VPS50: variants seen among roughly 807,000 people sequenced by gnomAD.
VPS50 encodes syndetin.
In VPS50, 70 loss-of-function variants were observed where a neutral mutation model predicts 139.7. The observed-to-expected ratio is 0.50, with a 90% CI of 0.41 to 0.61. The LOEUF (loss-of-function observed/expected upper bound fraction) is 0.61, where lower values mean the gene tolerates loss of function less well. Ranked by LOEUF, VPS50 falls within the 20% of genes least tolerant of loss-of-function variation. The pLI is 0.00. For synonymous variants in VPS50, 365 were observed against 376.7 expected, an observed-to-expected ratio of 0.97 and a Z score of 0.36; for missense variants, 921 against 1,133.7, an observed-to-expected ratio of 0.81 and a Z score of 2.69.
chr7:93,278,187 C>T (rs1225889427), intron 12 of VPS50, among the ~76,000 whole-genome samples: 1 of 152,108 alleles, frequency 6.6e-6, no homozygotes, highest in Non-Finnish European at 1.5e-5. Context: ...GAGAAAGCCC[C>T]TCTGTGCATT....
intron 20 of VPS50, among the ~76,000 whole-genome samples, chr7:93,316,981 A>G (rs184993910): frequency 6.6e-6 from 1 of 152,314 alleles, no homozygotes; most frequent in African/African-American, 2.4e-5. Flanking sequence ...CATGCAACAC[A>G]AGATAGCTGA....
chr7:93,296,535 C>T (rs1796815684), intron 14 of VPS50, among the ~76,000 whole-genome samples: 1 of 152,154 alleles, frequency 6.6e-6, no homozygotes, highest in Non-Finnish European at 1.5e-5. Flanking sequence ...TTCAGTTTGG[C>T]AACCTGATGG....
intron 13 of VPS50, among the ~76,000 whole-genome samples, chr7:93,293,784 G>A (rs939772935): frequency 6.6e-6 from 1 of 152,122 alleles, no homozygotes; most frequent in Non-Finnish European, 1.5e-5. Flanking sequence ...CATACCATGG[G>A]TGTAATAATA....
At chr7:93,232,596 G>A in intron 1 of VPS50, 96 bp downstream of exon 1, 1 of 1,095,312 alleles carries the variant, frequency 9.1e-7, no homozygotes, top group Non-Finnish European at 1.4e-6. Context: ...GGGGATCTAA[G>A]TTATGGGTGG....
intron 2 of VPS50, among the ~76,000 whole-genome samples, chr7:93,243,787 T>C (rs1795067258): frequency 1.3e-5 from 2 of 151,894 alleles, no homozygotes; most frequent in African/African-American, 2.4e-5. Flanking sequence ...TTTGAGAGTA[T>C]TTGTTGAACC....
At chr7:93,319,721 A>G (rs181796691) in intron 20 of VPS50, among the ~76,000 whole-genome samples, 55 of 152,212 alleles carry the variant, frequency 3.6e-4, no homozygotes, top group Non-Finnish European at 5.9e-4. Context: ...TTCCTCAACT[A>G]TTACTGACAC....
intron 2 of VPS50, among the ~76,000 whole-genome samples, chr7:93,243,568 G>A (rs1285583530): frequency 6.6e-6 from 1 of 151,922 alleles, no homozygotes; most frequent in Non-Finnish European, 1.5e-5. Flanking sequence ...CTTCGAAATG[G>A]ATTCTGTTAT....
At chr7:93,284,107 G>A (rs1324257170) in intron 12 of VPS50, among the ~76,000 whole-genome samples, 1 of 152,032 alleles carries the variant, frequency 6.6e-6, no homozygotes, top group African/African-American at 2.4e-5. Flanking sequence ...GAGGGGGATT[G>A]GATTGGAGAT....
chr7:93,318,497 A>G (rs1241506383), intron 20 of VPS50, among the ~76,000 whole-genome samples: 1 of 152,146 alleles, frequency 6.6e-6, no homozygotes, highest in Non-Finnish European at 1.5e-5. Context: ...ATTTATATTC[A>G]TTGATGGTGT....
At chr7:93,253,579 T>TC (rs1426853752) in intron 3 of VPS50, among the ~76,000 whole-genome samples, 2 of 151,972 alleles carry the variant, frequency 1.3e-5, no homozygotes, top group African/African-American at 4.8e-5. Flanking sequence ...GGGTCCAGAG[T>TC]CCCCAGTGGT....
chr7:93,258,109 A>C, intron 6 of VPS50, 50 bp from the exon 7 acceptor site: 1 of 755,170 alleles, frequency 1.3e-6, no homozygotes, highest in Non-Finnish European at 2.3e-6. Context: ...TGTGGATAGT[A>C]TTCTTATTAT....
chr7:93,240,316 A>G (rs1002094932), intron 2 of VPS50, among the ~76,000 whole-genome samples: 27 of 151,164 alleles, frequency 1.8e-4, no homozygotes, highest in African/African-American at 6.6e-4. Context: ...GAAATAGTTG[A>G]CTACTGACTT....
chr7:93,294,559 A>G lies in VPS50; in HGVS notation c.1090A>G (p.Ile364Val), dbSNP rs377270059. The change falls in exon 14 of 28, where the codon ATA (isoleucine) becomes GTA (valine). Residue 364 changes from isoleucine (I) to valine (V), a missense_variant. Ile to Val is a conservative substitution (Grantham distance 29). Transcript: ENST00000305866. ...TASASEGSNM[I>V]GTEETNFDRG... ...TTTATTTTCAGAAGGGAGTAATATGATAGGTACTGAAGAAACTAATTTTGA... is the reference window on the plus strand; with the variant it reads ...TTTATTTTCAGAAGGGAGTAATATGGTAGGTACTGAAGAAACTAATTTTGA... 1.4e-5 allele frequency: 22 copies of G among 1,570,036 alleles called. No individual in the cohort carries two copies. In the Middle Eastern group the frequency reaches 8.5e-4, roughly 60 times the overall value.
At chr7:93,238,649 C>T (rs2116770075) in intron 1 of VPS50, among the ~76,000 whole-genome samples, 1 of 152,208 alleles carries the variant, frequency 6.6e-6, no homozygotes, top group African/African-American at 2.4e-5. Context: ...CTAGAAAAAC[C>T]TATTCATTAG....
At chr7:93,304,995 T>TAAGA (rs1797076044) in intron 17 of VPS50, among the ~76,000 whole-genome samples, 2 of 151,950 alleles carry the variant, frequency 1.3e-5, no homozygotes, top group Admixed American at 6.6e-5. Flanking sequence ...TCAAGAATTT[T>TAAGA]AAGAATACCT....
rs370247072 is a variant in VPS50, at chr7:93,258,188, C to T, written c.452C>T (p.Thr151Ile). 1.0e-4 allele frequency: 160 copies of T among 1,578,314 alleles called. No homozygotes were observed. Among genetic ancestry groups the T allele is most frequent in the Non-Finnish European group, 1.3e-4 (145 of 1,148,098 alleles). ...TTGAATATTGCAAAGGAAGGTTTTACTCAAGCTAGTTTAGGCCTTCTTGCA... is the reference window on the plus strand; with the variant it reads ...TTGAATATTGCAAAGGAAGGTTTTATTCAAGCTAGTTTAGGCCTTCTTGCA... ...RHLNIAKEGF[T>I]QASLGLLANQ... The change falls in exon 7 of 28, where the codon ACT becomes ATT. Residue 151 changes from threonine (T) to isoleucine (I), a missense_variant. Coordinates refer to ENST00000305866, the MANE Select transcript of VPS50 (RefSeq NM_017667.4).
At chr7:93,237,387 A>G (rs1396569820) in intron 1 of VPS50, among the ~76,000 whole-genome samples, 7 of 152,332 alleles carry the variant, frequency 4.6e-5, no homozygotes, top group East Asian at 3.9e-4. Flanking sequence ...GCCCATTGCT[A>G]TAATCACTTC....
intron 21 of VPS50, among the ~76,000 whole-genome samples, chr7:93,324,199 G>A (rs1797700742): frequency 6.6e-6 from 1 of 152,090 alleles, no homozygotes; most frequent in Non-Finnish European, 1.5e-5. Context: ...TGAGACAATG[G>A]GGTTTTCTAG....
chr7:93,321,617 T>C (rs1209210781), intron 20 of VPS50, among the ~76,000 whole-genome samples: 4 of 152,242 alleles, frequency 2.6e-5, no homozygotes, highest in Non-Finnish European at 5.9e-5. Context: ...AATATCCTTA[T>C]GTTTGAATTT....
Sources: allele counts gnomAD v4.1 joint callset (sites outside exome capture counted in the v4.1 genomes callset), GRCh38; gene constraint gnomAD v4.1.1; transcripts MANE v1.5; gene names NCBI Gene and HGNC (gene_info 2026-07-23, HGNC 2026-07-21).